The following WDR3 variants were observed in gnomAD, a reference collection of about 807,000 sequenced individuals.
WDR3 encodes WD repeat-containing protein 3.
In WDR3, 81 loss-of-function variants were observed where a neutral mutation model predicts 123.7. The observed-to-expected ratio is 0.65, with a 90% CI of 0.55 to 0.79. The LOEUF (loss-of-function observed/expected upper bound fraction) is 0.79, where lower values mean the gene tolerates loss of function less well. Ranked by LOEUF, WDR3 falls within the 30% of genes least tolerant of loss-of-function variation. WDR3 has a pLI of 0.00. For synonymous variants in WDR3, 390 were observed against 388.8 expected (o/e 1.00, Z -0.04); for missense variants, 1,027 against 1,123.2 (o/e 0.91, Z 1.22).
chr1:117,932,089 C>T (rs184303256), intron 1 of WDR3, among the ~76,000 whole-genome samples: 1 of 152,312 alleles, frequency 6.6e-6, no homozygotes, highest in East Asian at 1.9e-4. Flanking sequence ...ATACTTTTTA[C>T]TCTTCCATGT....
chr1:117,938,676 C>A, intron 5 of WDR3, 118 bp downstream of exon 5: 2 of 807,914 alleles, frequency 2.5e-6, no homozygotes, highest in Non-Finnish European at 3.8e-6. Context: ...TTATCATATG[C>A]CATCTTGAGG....
chr1:117,955,374 C>A lies in WDR3; in HGVS notation c.2453+16C>A. ...TCAAGTCGAGGTGAGTGAGTCCTTGCGCACAATTTTTGTAATCTGTCAGCA... is the reference window on the plus strand; with the variant it reads ...TCAAGTCGAGGTGAGTGAGTCCTTGAGCACAATTTTTGTAATCTGTCAGCA... On this transcript the variant is annotated intron_variant, in intron 24 of 26. Coordinates refer to ENST00000349139, the MANE Select transcript of WDR3 (RefSeq NM_006784.3). 3 of 1,609,586 alleles carry A rather than the reference C, an allele frequency of 1.9e-6. No individual in the cohort carries two copies. Among genetic ancestry groups the A allele is most frequent in the Admixed American group, 1.7e-5 (1 of 59,602 alleles).
In WDR3 at chr1:117,966,478, T is replaced by C. The variant is rs911006634; in HGVS notation, c.*7031T>C. 1.6e-5 allele frequency: 15 copies of C among 943,400 alleles called. No homozygotes were observed. Among genetic ancestry groups the C allele is most frequent in the Non-Finnish European group, 2.3e-5 (15 of 665,940 alleles). The allele number at this position is 943,400 out of a possible 1,614,324, so 58.4% of individuals were successfully genotyped here. A position where few individuals can be genotyped will look rare whatever the true frequency, so the allele number is the denominator to read the frequency against. On this transcript the variant is annotated 3_prime_UTR_variant, in exon 27 of 27. Transcript: ENST00000349139. The stretch of plus-strand genomic sequence containing the variant: ...CAAAGATGAATGAAGATGCTCTTTG[T>C]CTTAATAAATTTAACTCTGATTTTG...
At position 117,943,612 on chromosome 1, in the gene WDR3, T is replaced by G. The variant is rs1651263220; in HGVS notation, c.1314T>G (p.Ile438Met). 1 of 1,613,896 alleles carries G rather than the reference T, an allele frequency of 6.2e-7. No individual in the cohort carries two copies. ...TTCTTTCAGCTGCAGCTGATTCCAT[T>G]AAAATATGGAACAGGTTCGTGAAAT... ...IAVLSAAADS[I>M]KIWNRSTLQC... The change falls in exon 11 of 27, where the codon ATT becomes ATG. Residue 438 changes from isoleucine to methionine, a missense_variant. By Grantham distance (10) the Ile-to-Met change is conservative (BLOSUM62 1). Coordinates refer to ENST00000349139, the MANE Select transcript of WDR3 (RefSeq NM_006784.3).
intron 11 of WDR3, 86 bp from the exon 12 acceptor site, chr1:117,946,000 T>C: frequency 2.2e-6 from 2 of 910,852 alleles, no homozygotes; most frequent in African/African-American, 3.4e-5. Flanking sequence ...TTGATCTGTC[T>C]AAGTGCATTG....
intron 10 of WDR3, among the ~76,000 whole-genome samples, chr1:117,943,080 G>A (rs1456199118): frequency 6.6e-6 from 1 of 151,912 alleles, no homozygotes; most frequent in African/African-American, 2.4e-5. Context: ...ACCCTCCGCA[G>A]TAACTGGGAT....
At chr1:117,953,607 A>G in intron 21 of WDR3, 66 bp downstream of exon 21, 1 of 1,544,572 alleles carries the variant, frequency 6.5e-7, no homozygotes, top group Admixed American at 1.9e-5. Flanking sequence ...TAAAAGTTTT[A>G]TTCTGTATCA....
At chr1:117,941,701 A>G in intron 8 of WDR3, 49 bp from the exon 9 acceptor site, 2 of 1,576,960 alleles carry the variant, frequency 1.3e-6, no homozygotes, top group Non-Finnish European at 1.7e-6. Flanking sequence ...GAATTAGGTA[A>G]ATTACAAATT....
Position 117,941,790 on chromosome 1 carries a change from A to T in WDR3, c.932A>T (p.Lys311Ile). The T allele has an allele frequency of 6.2e-7, 1 of 1,611,286 alleles. No individual in the cohort carries two copies. Among genetic ancestry groups the T allele is most frequent in the African/African-American group, 1.3e-5 (1 of 74,884 alleles). The change falls in exon 9 of 27, where the codon AAA (lysine) becomes ATA (isoleucine). Residue 311 changes from lysine (K) to isoleucine (I), a missense_variant. Transcript: ENST00000349139. ...SVLELFCILSKKEIQKKMDKK... is the reference protein window; with the variant it reads ...SVLELFCILSIKEIQKKMDKK... ...CTAGAATTGTTTTGTATCCTTTCCA[A>T]AAAGGAAATTCAGAAGAAAATGGAT...
chr1:117,938,582 G>A, intron 5 of WDR3, 24 bp downstream of exon 5: 2 of 1,595,662 alleles, frequency 1.3e-6, no homozygotes, highest in Non-Finnish European at 1.7e-6. Context: ...CATGGGCCCA[G>A]GGAAATAATG....
rs1449083818 is a variant in WDR3 at position 117,941,196 on chromosome 1, G to A, written c.862G>A (p.Asp288Asn). 5.6e-6 allele frequency: 9 copies of A among 1,614,042 alleles called. No homozygotes were observed. Among genetic ancestry groups the A allele is most frequent in the Admixed American group, 3.3e-5 (2 of 60,006 alleles). ...GRDRVVNLAV[D>N]KTGRILACHG... is the part of the protein sequence containing the mutation. ...AGACAGAGTTGTAAACCTTGCAGTC[G>A]ACAAGACAGGCAGGATTCTTGCTTG... Residue 288 changes from aspartate (D) to asparagine (N), a missense_variant, in exon 8 of 27, where the codon GAC becomes AAC. By Grantham distance (23) the Asp-to-Asn change is conservative. Transcript: ENST00000349139.
At chr1:117,938,927 A>C (rs1225066706) in intron 5 of WDR3, among the ~76,000 whole-genome samples, 4 of 152,228 alleles carry the variant, frequency 2.6e-5, no homozygotes, top group Non-Finnish European at 5.9e-5. Flanking sequence ...ACAGAGATCT[A>C]TTCAGTTGAG....
intron 12 of WDR3, among the ~76,000 whole-genome samples, chr1:117,947,769 A>G (rs907184094): frequency 4.6e-5 from 7 of 152,242 alleles, no homozygotes; most frequent in African/African-American, 1.4e-4. Context: ...CACCTTGTGC[A>G]GAAGCTCATC....
chr1:117,934,503 G>A lies in WDR3; in HGVS notation c.202G>A (p.Val68Ile), dbSNP rs1181045754. The A allele has an allele frequency of 6.2e-6, 10 of 1,613,992 alleles. No homozygotes were observed. The highest frequency in any genetic ancestry group is 8.5e-6 in the Non-Finnish European group (10 of 1,180,012). The change falls in exon 3 of 27, where the codon GTT becomes ATT. Residue 68 changes from valine to isoleucine, a missense_variant. Coordinates refer to ENST00000349139, the MANE Select transcript of WDR3 (RefSeq NM_006784.3). ...TATCCTTCAGGGGCTTAAACAAGAA[G>A]TTACTTGCTTATGCCCCTCCCCAGA... is the stretch of plus-strand genomic sequence containing the variant. The part of the protein sequence containing the change: ...ILILQGLKQE[V>I]TCLCPSPDGL...
intron 4 of WDR3, 88 bp downstream of exon 4, chr1:117,936,975 G>T (rs999682470): frequency 9.0e-7 from 1 of 1,112,152 alleles, no homozygotes; most frequent in African/African-American, 1.6e-5. Context: ...TGAGCAGTGT[G>T]CTCATGCTTA....
chr1:117,938,397 C>A, intron 4 of WDR3, 83 bp from the exon 5 acceptor site: 3 of 1,072,850 alleles, frequency 2.8e-6, no homozygotes, highest in South Asian at 1.4e-5. Context: ...CCTTTTAAAG[C>A]AACAGTGAGT....
rs1304448986 is a variant in WDR3 at position 117,943,624 on chromosome 1, C to T, written c.1326C>T (p.Asn442=). 1.2e-6 allele frequency: 2 copies of T among 1,613,258 alleles called. No individual in the cohort carries two copies. Among genetic ancestry groups the T allele is most frequent in the African/African-American group, 1.3e-5 (1 of 74,890 alleles). Residue 442 remains asparagine, a splice_region_variant and synonymous_variant, in exon 11 of 27, where the codon AAC becomes AAT. Transcript: ENST00000349139. The part of the protein sequence containing the change: ...SAAADSIKIW[N]RSTLQCIRTM... ...CAGCTGATTCCATTAAAATATGGAA[C>T]AGGTTCGTGAAATGATGTTTTATAT...
At chr1:117,957,422 T>A (rs1396553370) in intron 25 of WDR3, among the ~76,000 whole-genome samples, 1 of 151,814 alleles carries the variant, frequency 6.6e-6, no homozygotes, top group Admixed American at 6.6e-5. Context: ...AGGATCATGA[T>A]GACCCACCTC....
chr1:117,955,211 G>C, intron 23 of WDR3, 104 bp from the exon 24 acceptor site: 2 of 933,506 alleles, frequency 2.1e-6, no homozygotes, highest in Non-Finnish European at 3.2e-6. Flanking sequence ...TACTTTTTCT[G>C]AAGTAAGAAG....
Sources: allele counts gnomAD v4.1 joint callset (sites outside exome capture counted in the v4.1 genomes callset), GRCh38; gene constraint gnomAD v4.1.1; transcripts MANE v1.5; gene names NCBI Gene and HGNC (gene_info 2026-07-23, HGNC 2026-07-21).